The following NF1 variants were observed in gnomAD, a reference collection of about 807,000 sequenced individuals.
NF1 encodes neurofibromin 1, also known as neurofibromin.
In NF1, 122 loss-of-function variants were observed where a neutral mutation model predicts 325.7. That is an observed-to-expected ratio of 0.37 (90% CI 0.32 to 0.44). The LOEUF (loss-of-function observed/expected upper bound fraction) is 0.44, where lower values mean the gene tolerates loss of function less well. NF1 is among the 20% of genes least tolerant of loss of function. The probability of loss-of-function intolerance (pLI) is 1.00; values close to 1 mark genes in which losing one functional copy is unlikely to be tolerated. For synonymous variants in NF1, 1,091 were observed against 1,186.0 expected (o/e 0.92, Z 1.65); for missense variants, 2,140 against 3,415.4 (o/e 0.63, Z 9.31).
intron 26 of NF1, 53 bp downstream of exon 26, chr17:31,232,934 T>G: frequency 6.2e-7 from 1 of 1,613,654 alleles, no homozygotes; most frequent in Non-Finnish European, 8.5e-7. Context: ...AGAACTGGCA[T>G]GTAAGAGAAG....
rs2066519556 is a variant in NF1 at position 31,201,075 on chromosome 17, C to T, written c.1101C>T (p.Gly367=). ...LFNPSKPFSR[G]SQPADVDLMI... ...ATCCAAGTAAGCCATTCTCAAGAGG[C>T]AGTCAGCCTGCAGATGTGGATCTAA... Residue 367 remains glycine, a synonymous_variant, in exon 10 of 58, where the codon GGC becomes GGT. Transcript: ENST00000358273. 1 of 1,614,012 alleles carries T rather than the reference C, an allele frequency of 6.2e-7. No homozygotes were observed. The highest frequency in any genetic ancestry group is 8.5e-7 in the Non-Finnish European group (1 of 1,179,994).
intron 13 of NF1, among the ~76,000 whole-genome samples, chr17:31,217,400 C>T (rs2066838074): frequency 6.6e-6 from 1 of 151,760 alleles, no homozygotes; most frequent in South Asian, 2.1e-4. Flanking sequence ...CAACCTCCGC[C>T]TCCTGGGTTG....
chr17:31,262,277 A>G (rs1240374404), intron 35 of NF1, among the ~76,000 whole-genome samples: 2 of 152,174 alleles, frequency 1.3e-5, no homozygotes, highest in African/African-American at 4.8e-5. Flanking sequence ...AACCCTCATA[A>G]AGGTTAATGG....
At chr17:31,318,823 A>T in intron 36 of NF1, 1 of 1,613,982 alleles carries the variant, frequency 6.2e-7, no homozygotes, top group African/African-American at 1.3e-5. Flanking sequence ...TTCAGGAGTT[A>T]TAGGGTTTGT....
intron 36 of NF1, chr17:31,305,217 G>T: frequency 6.2e-7 from 1 of 1,614,144 alleles, no homozygotes; most frequent in Non-Finnish European, 8.5e-7. Context: ...TAGAAGTACG[G>T]GCAGATGGTA....
chr17:31,122,140 C>T (rs1914489316), intron 1 of NF1, among the ~76,000 whole-genome samples: 1 of 151,928 alleles, frequency 6.6e-6, no homozygotes, highest in Non-Finnish European at 1.5e-5. Flanking sequence ...TTTGAAGGGA[C>T]AGTAAAGGCA....
chr17:31,130,082 TTG>T (rs930725382), intron 1 of NF1, among the ~76,000 whole-genome samples: 15 of 148,704 alleles, frequency 1.0e-4, no homozygotes, highest in African/African-American at 2.7e-4. Context: ...CTGTTTTTTT[TTG>T]TTTTTTTTTT....
chr17:31,262,779 A>G (rs1307258974), intron 35 of NF1, among the ~76,000 whole-genome samples: 2 of 152,158 alleles, frequency 1.3e-5, no homozygotes, highest in East Asian at 3.8e-4. Flanking sequence ...TTTTAGCTCT[A>G]CTAGATTTTT....
chr17:31,206,461 T>TAG (rs1352395717), intron 12 of NF1, 90 bp downstream of exon 12: 49 of 1,507,076 alleles, frequency 3.3e-5, no homozygotes, highest in Non-Finnish European at 4.2e-5. Context: ...TTGGTTATTT[T>TAG]AGAGAATTGA....
At chr17:31,270,331 G>A (rs951888327) in intron 36 of NF1, among the ~76,000 whole-genome samples, 5 of 152,124 alleles carry the variant, frequency 3.3e-5, no homozygotes, top group African/African-American at 7.2e-5. Flanking sequence ...CAAAGTGGCC[G>A]GGCAAGGTGG....
At chr17:31,273,531 C>T (rs2067944141) in intron 36 of NF1, 2 of 152,198 alleles carry the variant, frequency 1.3e-5, no homozygotes. Flanking sequence ...TTAAAAGTTA[C>T]ATTTGGCTCT....
chr17:31,213,323 A>T (rs2066761509), intron 12 of NF1, among the ~76,000 whole-genome samples: 2 of 152,214 alleles, frequency 1.3e-5, no homozygotes, highest in Non-Finnish European at 2.9e-5. Context: ...CTTGAGTATA[A>T]ATGTGTGCAT....
intron 39 of NF1, among the ~76,000 whole-genome samples, chr17:31,334,069 G>A (rs2069575123): frequency 6.6e-6 from 1 of 152,054 alleles, no homozygotes; most frequent in Non-Finnish European, 1.5e-5. Context: ...GGCAGATCAC[G>A]AGGTCAGGAG....
intron 29 of NF1, among the ~76,000 whole-genome samples, chr17:31,236,319 T>C (rs1232658331): frequency 6.6e-6 from 1 of 152,192 alleles, no homozygotes; most frequent in Non-Finnish European, 1.5e-5. Context: ...TGCATTTACA[T>C]ATTCATATGC....
chr17:31,204,035 A>T (rs2066577355), intron 11 of NF1, among the ~76,000 whole-genome samples: 1 of 152,032 alleles, frequency 6.6e-6, no homozygotes, highest in African/African-American at 2.4e-5. Flanking sequence ...CATCTTTTTT[A>T]TTATGATGTG....
chr17:31,347,026 GAAA>G (rs71278515), intron 48 of NF1, among the ~76,000 whole-genome samples: 1 of 144,692 alleles, frequency 6.9e-6, no homozygotes, highest in African/African-American at 2.5e-5. Context: ...CTTTTATTGT[GAAA>G]AAAAAAACCC....
chr17:31,154,541 T>TG (rs1489786239), intron 1 of NF1, among the ~76,000 whole-genome samples: 2 of 152,078 alleles, frequency 1.3e-5, no homozygotes, highest in South Asian at 2.1e-4. Context: ...ACCCAGCTGA[T>TG]TAAAAATTTG....
chr17:31,259,474 A>G (rs2067646386), intron 33 of NF1, among the ~76,000 whole-genome samples: 1 of 152,170 alleles, frequency 6.6e-6, no homozygotes, highest in South Asian at 2.1e-4. Context: ...ATAATACATA[A>G]CAATGTTTAA....
chr17:31,344,609 G>A (rs925941578), intron 48 of NF1, among the ~76,000 whole-genome samples: 1 of 152,210 alleles, frequency 6.6e-6, no homozygotes, highest in Non-Finnish European at 1.5e-5. Context: ...ACCCACTATT[G>A]TGAATGTATG....
Sources: allele counts gnomAD v4.1 joint callset (sites outside exome capture counted in the v4.1 genomes callset), GRCh38; gene constraint gnomAD v4.1.1; transcripts MANE v1.5; gene names NCBI Gene and HGNC (gene_info 2026-07-23, HGNC 2026-07-21).